Variants in PIGU observed in about 807,000 individuals in gnomAD.
PIGU encodes the protein GPI-anchor transamidase component PIGU.
Under a neutral mutation model 49.9 loss-of-function variants are expected in PIGU, and 24 were observed. The observed-to-expected ratio is 0.48, with a 90% CI of 0.35 to 0.68. The LOEUF is 0.68. Among genes scored for constraint, PIGU ranks in the 30% least tolerant of loss-of-function variants. The probability of loss-of-function intolerance (pLI) is 0.01; values close to 1 mark genes in which losing one functional copy is unlikely to be tolerated. For missense variants in PIGU, 490 were observed against 532.6 expected (o/e 0.92, Z 0.79); for synonymous variants, 220 against 205.7 (o/e 1.07, Z -0.59).
chr20:34,644,175 T>C lies in PIGU; in HGVS notation c.307A>G (p.Asn103Asp). 5 of 1,609,702 alleles carry C rather than the reference T, an allele frequency of 3.1e-6. No homozygotes were observed. Among genetic ancestry groups the C allele is most frequent in the Non-Finnish European group, 4.3e-6 (5 of 1,176,076 alleles). ...CACAAACTACTTACCACAACTTTAT[T>C]GAAGTCCTGGATTGCAAAATACAGG... is the stretch of plus-strand genomic sequence containing the variant. ...IALYFAIQDF[N>D]KVVFKKQKLL... Residue 103 changes from asparagine to aspartate, a missense_variant, in exon 4 of 12, where the codon AAT (asparagine) becomes GAT (aspartate). Asn to Asp is a conservative substitution (Grantham distance 23, BLOSUM62 1). Transcript: ENST00000217446.
At chr20:34,637,295 G>C (rs1293608677) in intron 5 of PIGU, among the ~76,000 whole-genome samples, 9 of 152,170 alleles carry the variant, frequency 5.9e-5, no homozygotes, top group African/African-American at 2.2e-4. Flanking sequence ...TTAGTGGATT[G>C]AATAATTATT....
intron 2 of PIGU, among the ~76,000 whole-genome samples, chr20:34,652,974 G>GT (rs1297140166): frequency 0.027 from 3,731 of 136,244 alleles, 44 homozygotes; most frequent in African/African-American, 0.034. Context: ...GTCAAGTTGG[G>GT]TTTTTTTTTT....
intron 4 of PIGU, among the ~76,000 whole-genome samples, chr20:34,638,589 C>T (rs763463515): frequency 6.6e-6 from 1 of 152,184 alleles, no homozygotes; most frequent in Non-Finnish European, 1.5e-5. Flanking sequence ...CCTAAAGACT[C>T]CAAAGTTCCA....
chr20:34,669,875 TAAGA>T (rs1367619153), intron 1 of PIGU, among the ~76,000 whole-genome samples: 10 of 151,834 alleles, frequency 6.6e-5, no homozygotes, highest in South Asian at 4.1e-4. Flanking sequence ...CCCTAAAAAT[TAAGA>T]GAGATTGAAA....
chr20:34,659,363 G>A (rs1414372380), intron 1 of PIGU, among the ~76,000 whole-genome samples: 1 of 144,982 alleles, frequency 6.9e-6, no homozygotes, highest in East Asian at 2.1e-4. Flanking sequence ...GCCTCTGCCC[G>A]GCCGCCCCTA....
chr20:34,608,968 C>G (rs1322130251), intron 7 of PIGU, among the ~76,000 whole-genome samples: 11 of 152,246 alleles, frequency 7.2e-5, no homozygotes, highest in African/African-American at 2.4e-4. Context: ...ACTTAGTAGT[C>G]TGGCAGAAAC....
At chr20:34,583,524 G>T (rs1453693612) in intron 9 of PIGU, among the ~76,000 whole-genome samples, 2 of 152,230 alleles carry the variant, frequency 1.3e-5, no homozygotes, top group African/African-American at 4.8e-5. Flanking sequence ...ACAACTGTGT[G>T]GGCCTGGCTT....
At chr20:34,647,313 G>A (rs1986383067) in intron 2 of PIGU, among the ~76,000 whole-genome samples, 1 of 144,710 alleles carries the variant, frequency 6.9e-6, no homozygotes, top group East Asian at 2.2e-4. Flanking sequence ...TGTTGCTAGA[G>A]TGCAGTGGCA....
At chr20:34,650,700 CTTTTTTTTTT>C (rs59998699) in intron 2 of PIGU, among the ~76,000 whole-genome samples, 58 of 38,796 alleles carry the variant, frequency 1.5e-3, no homozygotes, top group South Asian at 0.011. Flanking sequence ...CTTTTTTTCT[CTTTTTTTTTT>C]TTTTTTTTTT....
At chr20:34,587,626 C>G (rs2146712142) in intron 8 of PIGU, among the ~76,000 whole-genome samples, 1 of 152,212 alleles carries the variant, frequency 6.6e-6, no homozygotes, top group East Asian at 1.9e-4. Context: ...GATTTTGTAC[C>G]CCTTTGACCA....
At chr20:34,594,031 G>T (rs1257801590) in intron 7 of PIGU, among the ~76,000 whole-genome samples, 2 of 151,976 alleles carry the variant, frequency 1.3e-5, no homozygotes, top group African/African-American at 4.8e-5. Flanking sequence ...ACAAAAATTA[G>T]CCCTATGTGG....
At chr20:34,610,133 G>C (rs1474901710) in intron 7 of PIGU, among the ~76,000 whole-genome samples, 4 of 152,090 alleles carry the variant, frequency 2.6e-5, no homozygotes, top group Non-Finnish European at 5.9e-5. Context: ...CATTCCCTTT[G>C]AAAACTGGCA....
chr20:34,564,685 A>G lies in PIGU; in HGVS notation c.1195-3706T>C, dbSNP rs568749245. Among the ~76,000 whole-genome samples the G allele has an allele frequency of 1.2e-4, 18 of 152,278 alleles. No individual in the cohort carries two copies. In the South Asian group the frequency reaches 2.3e-3, roughly 19 times the overall value. ...TAGCAGGAAATGTACTGATGTCTGCATTTCAATTTGAAATACACTAAAAAA... is the reference window on the plus strand; with the variant it reads ...TAGCAGGAAATGTACTGATGTCTGCGTTTCAATTTGAAATACACTAAAAAA... On this transcript the variant is annotated intron_variant, in intron 11 of 11. Coordinates refer to ENST00000217446, the MANE Select transcript of PIGU (RefSeq NM_080476.5).
At chr20:34,577,664 C>T (rs1473186997) in intron 10 of PIGU, among the ~76,000 whole-genome samples, 4 of 152,080 alleles carry the variant, frequency 2.6e-5, no homozygotes, top group African/African-American at 4.8e-5. Flanking sequence ...TGCAGTGAGC[C>T]GAGATTGCAC....
At chr20:34,665,192 ATTTTTTTTTT>A (rs1171497892) in intron 1 of PIGU, among the ~76,000 whole-genome samples, 7 of 59,612 alleles carry the variant, frequency 1.2e-4, no homozygotes, top group East Asian at 1.1e-3. Flanking sequence ...TGTATGGCCA[ATTTTTTTTTT>A]TTTTTTTTTT....
At chr20:34,651,739 G>A (rs1986546376) in intron 2 of PIGU, among the ~76,000 whole-genome samples, 1 of 152,136 alleles carries the variant, frequency 6.6e-6, no homozygotes, top group Non-Finnish European at 1.5e-5. Flanking sequence ...AGAGGTTATT[G>A]ACAGACTTTT....
At position 34,616,076 on chromosome 20, in the gene PIGU, G is replaced by A. The variant is rs957061722; in HGVS notation, c.593C>T (p.Thr198Ile). Residue 198 changes from threonine (T) to isoleucine (I), a missense_variant, in exon 7 of 12, where the codon ACC becomes ATC. Thr to Ile is a moderately conservative substitution (Grantham distance 89). Coordinates refer to ENST00000217446, the MANE Select transcript of PIGU (RefSeq NM_080476.5). ...LATYQSLYPL[T>I]LFVPGLLYLL... Reference sequence around the variant, plus strand: ...ATAGAGGAGTCCTGGGACAAACAAGGTGAGTGGGTACAGAGACTGGTATGT... The same window carrying A: ...ATAGAGGAGTCCTGGGACAAACAAGATGAGTGGGTACAGAGACTGGTATGT... The A allele has an allele frequency of 5.6e-6, 9 of 1,612,846 alleles. No individual in the cohort carries two copies. The highest frequency in any genetic ancestry group is 7.6e-6 in the Non-Finnish European group (9 of 1,179,518).
chr20:34,659,303 G>A (rs1349919481), intron 1 of PIGU, among the ~76,000 whole-genome samples: 6 of 146,492 alleles, frequency 4.1e-5, no homozygotes, highest in African/African-American at 1.3e-4. Context: ...AGGGAGGTGG[G>A]GGGGTCAGCC....
At chr20:34,606,995 G>A (rs978218850) in intron 7 of PIGU, among the ~76,000 whole-genome samples, 1 of 152,182 alleles carries the variant, frequency 6.6e-6, no homozygotes, top group African/African-American at 2.4e-5. Flanking sequence ...AACTGACCTC[G>A]TGATCCACCC....
Sources: allele counts gnomAD v4.1 joint callset (sites outside exome capture counted in the v4.1 genomes callset), GRCh38; gene constraint gnomAD v4.1.1; transcripts MANE v1.5; gene names NCBI Gene and HGNC (gene_info 2026-07-23, HGNC 2026-07-21).